Variants in CLCA2 observed in about 807,000 individuals in gnomAD.
CLCA2 encodes calcium-activated chloride channel regulator 2.
CLCA2 carries 85 observed loss-of-function variants against 82.9 expected under a neutral mutation model. That is an observed-to-expected ratio of 1.03 (90% CI 0.86 to 1.23). The LOEUF (loss-of-function observed/expected upper bound fraction) is 1.23, where lower values mean the gene tolerates loss of function less well. Ranked by LOEUF, CLCA2 falls within the 50% of genes most tolerant of loss-of-function variation. The pLI is 0.00. For synonymous variants in CLCA2, 421 were observed against 391.7 expected (o/e 1.07, Z -0.88); for missense variants, 1,089 against 1,124.8 (o/e 0.97, Z 0.45).
chr1:86,434,816 AT>A, intron 6 of CLCA2, 71 bp downstream of exon 6: 1 of 1,262,354 alleles, frequency 7.9e-7, no homozygotes, highest in East Asian at 2.4e-5. Flanking sequence ...ATCTCAATTT[AT>A]TTTAAGTTCT....
intron 6 of CLCA2, among the ~76,000 whole-genome samples, chr1:86,437,282 G>T (rs1391307259): frequency 2.6e-5 from 4 of 152,148 alleles, no homozygotes; most frequent in Non-Finnish European, 5.9e-5. Flanking sequence ...GAGAAGAACA[G>T]CATCTCTGCT....
In CLCA2 at chr1:86,424,370, T is replaced by G. The variant is rs1662347109; in HGVS notation, c.123T>G (p.Asn41Lys). The change falls in exon 1 of 14, where the codon AAT becomes AAG. Residue 41 changes from asparagine (N) to lysine (K), a missense_variant. Coordinates refer to ENST00000370565, the MANE Select transcript of CLCA2 (RefSeq NM_006536.7). ...AGVQLQDNGY[N>K]GLLIAINPQV... Reference sequence around the variant, plus strand: ...TACAGCTTCAAGACAATGGGTATAATGGATTGCTCATTGCAATTAATCCTC... The same window carrying G: ...TACAGCTTCAAGACAATGGGTATAAGGGATTGCTCATTGCAATTAATCCTC... The G allele has an allele frequency of 5.6e-6, 9 of 1,613,612 alleles. No homozygotes were observed. Among genetic ancestry groups the G allele is most frequent in the Non-Finnish European group, 6.8e-6 (8 of 1,179,850 alleles).
chr1:86,429,851 A>G (rs1662459762), intron 3 of CLCA2, among the ~76,000 whole-genome samples: 2 of 152,174 alleles, frequency 1.3e-5, no homozygotes, highest in African/African-American at 4.8e-5. Flanking sequence ...ACTTTACAAA[A>G]CACTTTATAA....
chr1:86,440,085 C>T (rs1260176129), intron 7 of CLCA2, 63 bp from the exon 8 acceptor site: 2 of 1,528,268 alleles, frequency 1.3e-6, no homozygotes, highest in African/African-American at 2.7e-5. Flanking sequence ...AGAGTGAATT[C>T]TTTTGCTCAA....
chr1:86,440,297 A>C lies in CLCA2; in HGVS notation c.1353A>C (p.Pro451=), dbSNP rs1413041928. The part of the protein sequence containing the change: ...HSIALGSSAA[P]NLEELSRLTG... ...TTGCCCTGGGTTCATCTGCAGCCCC[A>C]AATCTGGAGGAATTATCACGTCTTA... Residue 451 remains proline (P), a synonymous_variant, in exon 8 of 14, where the codon CCA becomes CCC. Coordinates refer to ENST00000370565, the MANE Select transcript of CLCA2 (RefSeq NM_006536.7). 6.2e-7 allele frequency: 1 copy of C among 1,614,032 alleles called. No homozygotes were observed. The highest frequency in any genetic ancestry group is 2.2e-5 in the East Asian group (1 of 44,876).
In CLCA2 at chr1:86,434,731, A is replaced by G; in HGVS notation, c.958A>G (p.Ser320Gly). The change falls in exon 6 of 14, where the codon AGC becomes GGC. Residue 320 changes from serine (S) to glycine (G), a missense_variant. By Grantham distance (56) the Ser-to-Gly change is moderately conservative. Coordinates refer to ENST00000370565, the MANE Select transcript of CLCA2 (RefSeq NM_006536.7). ...GGTCTGTTTAGTGCTGGATGTGTCC[A>G]GCAAGATGGCAGAGGTAACATTTTG... ...KVVCLVLDVS[S>G]KMAEADRLLQ... The G allele has an allele frequency of 8.1e-6, 13 of 1,611,658 alleles. No homozygotes were observed. Among genetic ancestry groups the G allele is most frequent in the Non-Finnish European group, 1.1e-5 (13 of 1,177,816 alleles).
At chr1:86,455,016 T>C in intron 13 of CLCA2, 69 bp from the exon 14 acceptor site, 1 of 920,860 alleles carries the variant, frequency 1.1e-6, no homozygotes, top group Non-Finnish European at 1.6e-6. Flanking sequence ...TTCTCATTAG[T>C]AATTTCTAAT....
rs1570270683 is a variant in CLCA2, at chr1:86,455,636, A to C, written c.*109A>C. 1 of 685,548 alleles carries C rather than the reference A, an allele frequency of 1.5e-6. No homozygotes were observed. The highest frequency in any genetic ancestry group is 1.8e-5 in the African/African-American group (1 of 54,566). The allele number at this position is 685,548 out of a possible 1,614,324, so 42.5% of individuals were successfully genotyped here. A position where few individuals can be genotyped will look rare whatever the true frequency, so the allele number is the denominator to read the frequency against. On this transcript the variant is annotated 3_prime_UTR_variant, in exon 14 of 14. Coordinates refer to ENST00000370565, the MANE Select transcript of CLCA2 (RefSeq NM_006536.7). ...ATCAAAACTGTATTAAAATGCATTG[A>C]GTTTTTGTACAATACAGATAAGATT... is the stretch of plus-strand genomic sequence containing the variant.
intron 12 of CLCA2, among the ~76,000 whole-genome samples, chr1:86,451,196 C>G (rs1381246069): frequency 1.3e-5 from 2 of 152,078 alleles, no homozygotes; most frequent in African/African-American, 2.4e-5. Flanking sequence ...CTAAGTGATT[C>G]CTGAAGATGT....
In CLCA2 at chr1:86,427,547, T is replaced by TACACACACAC. The variant is rs146595899; in HGVS notation, c.325-853_325-844dup. Among the ~76,000 whole-genome samples, 338 of 148,308 alleles carry TACACACACAC rather than the reference T, an allele frequency of 2.3e-3. 2 individuals carry two copies. The highest frequency in any genetic ancestry group is 7.6e-3 in the African/African-American group (305 of 40,310). On this transcript the variant is annotated intron_variant, in intron 2 of 13. Coordinates refer to ENST00000370565, the MANE Select transcript of CLCA2 (RefSeq NM_006536.7). ...ACAGACACAGATGGACACACATACA[T>TACACACACAC]ACACACACACACACACACACACACA...
chr1:86,432,867 C>A (rs934115823), intron 5 of CLCA2, among the ~76,000 whole-genome samples: 1 of 152,128 alleles, frequency 6.6e-6, no homozygotes, highest in Admixed American at 6.5e-5. Context: ...ATAATTCTCT[C>A]GTTTGAAGTA....
chr1:86,455,566 C>T lies in CLCA2; in HGVS notation c.*39C>T, dbSNP rs1373608882. 3 of 1,310,304 alleles carry T rather than the reference C, an allele frequency of 2.3e-6. No individual in the cohort carries two copies. Among genetic ancestry groups the T allele is most frequent in the Non-Finnish European group, 1.0e-6 (1 of 989,758 alleles). The allele number at this position is 1,310,304 out of a possible 1,614,324, so 81.2% of individuals were successfully genotyped here. ...GTGTCTTCCTTCTTAGATATAAGAC[C>T]CATGGCCTTCGACTACAAAAACATA... On this transcript the variant is annotated 3_prime_UTR_variant, in exon 14 of 14. Transcript: ENST00000370565.
chr1:86,443,668 T>A (rs1662784208), intron 9 of CLCA2, 119 bp from the exon 10 acceptor site: 2 of 744,192 alleles, frequency 2.7e-6, no homozygotes, highest in Non-Finnish European at 4.3e-6. Flanking sequence ...ATAACTACAG[T>A]ACCTGTCAGA....
chr1:86,453,265 T>C lies in CLCA2; in HGVS notation c.2156-104T>C. ...AATACACTCAGTTATTCTAGAGATGTAGTAAAGAAAAAAAGGTTTAAGAAA... is the reference window on the plus strand; with the variant it reads ...AATACACTCAGTTATTCTAGAGATGCAGTAAAGAAAAAAAGGTTTAAGAAA... On this transcript the variant is annotated intron_variant, in intron 12 of 13. Transcript: ENST00000370565. 8.4e-6 allele frequency: 6 copies of C among 713,898 alleles called. 1 individual carries two copies. The South Asian group carries it at 9.2e-5, about 11-fold the overall frequency. The allele number at this position is 713,898 out of a possible 1,614,324, so 44.2% of individuals were successfully genotyped here. A position where few individuals can be genotyped will look rare whatever the true frequency, so the allele number is the denominator to read the frequency against.
intron 11 of CLCA2, among the ~76,000 whole-genome samples, chr1:86,450,307 G>T (rs907100329): frequency 1.3e-5 from 2 of 152,070 alleles, no homozygotes; most frequent in African/African-American, 4.8e-5. Flanking sequence ...AATGTTAAAG[G>T]TGATGATTAA....
In CLCA2 at chr1:86,447,785, A is replaced by G; in HGVS notation, c.1984+7A>G. Reference sequence around the variant, plus strand: ...CTCCTTGATGATGGAGCAGGTAACAAGGAATGTCATGACATTTTATCATCT... The same window carrying G: ...CTCCTTGATGATGGAGCAGGTAACAGGGAATGTCATGACATTTTATCATCT... On this transcript the variant is annotated splice_region_variant and intron_variant, in intron 11 of 13. Coordinates refer to ENST00000370565, the MANE Select transcript of CLCA2 (RefSeq NM_006536.7). 3 of 1,609,076 alleles carry G rather than the reference A, an allele frequency of 1.9e-6. No homozygotes were observed. Among genetic ancestry groups the G allele is most frequent in the Non-Finnish European group, 2.5e-6 (3 of 1,179,168 alleles).
At chr1:86,428,902 G>C (rs963868885) in intron 3 of CLCA2, among the ~76,000 whole-genome samples, 1 of 152,124 alleles carries the variant, frequency 6.6e-6, no homozygotes, top group African/African-American at 2.4e-5. Context: ...GAAAATAGTG[G>C]GAAGACTATG....
chr1:86,440,898 C>A (rs1298732719), intron 8 of CLCA2, among the ~76,000 whole-genome samples: 1 of 151,914 alleles, frequency 6.6e-6, no homozygotes, highest in Non-Finnish European at 1.5e-5. Flanking sequence ...GAGACCCCAT[C>A]TCAAAAAAGA....
At chr1:86,441,117 G>A (rs938931645) in intron 8 of CLCA2, among the ~76,000 whole-genome samples, 1 of 152,178 alleles carries the variant, frequency 6.6e-6, no homozygotes, top group Non-Finnish European at 1.5e-5. Context: ...ATATAGGGAT[G>A]TAAATAGCAA....
Sources: gnomAD v4.1 joint callset for allele counts (sites outside exome capture counted in the v4.1 genomes callset) on GRCh38, gnomAD v4.1.1 for gene constraint, MANE v1.5 for transcripts, NCBI Gene and HGNC (gene_info 2026-07-23, HGNC 2026-07-21) for gene names.